Variants in HCLS1 observed in about 807,000 individuals in gnomAD.
HCLS1 encodes the protein hematopoietic lineage cell-specific protein.
HCLS1 carries 44 observed loss-of-function variants against 68.6 expected under a neutral mutation model. The observed-to-expected ratio is 0.64, with a 90% CI of 0.50 to 0.82. The LOEUF is 0.82. Among genes scored for constraint, HCLS1 ranks in the 40% least tolerant of loss-of-function variants. The pLI, the probability that HCLS1 is intolerant of heterozygous loss-of-function variation, is 0.00. For missense variants in HCLS1, 602 were observed against 612.1 expected, an observed-to-expected ratio of 0.98 and a Z score of 0.17; for synonymous variants, 217 against 225.8, an observed-to-expected ratio of 0.96 and a Z score of 0.35.
intron 6 of HCLS1, among the ~76,000 whole-genome samples, chr3:121,639,056 C>A (rs945579156): frequency 1.4e-5 from 2 of 145,580 alleles, no homozygotes; most frequent in Non-Finnish European, 1.5e-5. Context: ...CACACACACA[C>A]AAATAATGCA....
At position 121,644,763 on chromosome 3, in the gene HCLS1, G is replaced by A. The variant is rs1306669385; in HGVS notation, c.399+55C>T. 4 of 1,223,952 alleles carry A rather than the reference G, an allele frequency of 3.3e-6. No individual in the cohort carries two copies. The Admixed American group carries it at 6.7e-5, about 21-fold the overall frequency. 75.8% of individuals were successfully genotyped at this position (1,223,952 alleles called of 1,614,324 possible). A position where few individuals can be genotyped will look rare whatever the true frequency, so the allele number is the denominator to read the frequency against. On this transcript the variant is annotated intron_variant, in intron 5 of 13. Coordinates refer to ENST00000314583, the MANE Select transcript of HCLS1 (RefSeq NM_005335.6). ...TGTGCCTCCATCCAGGGGTGATCGTGGGCAATTTTCACAGGACTGGAGGTG... is the reference window on the plus strand; with the variant it reads ...TGTGCCTCCATCCAGGGGTGATCGTAGGCAATTTTCACAGGACTGGAGGTG...
At chr3:121,646,454 TTA>T (rs1280110989) in intron 4 of HCLS1, among the ~76,000 whole-genome samples, 1 of 103,032 alleles carries the variant, frequency 9.7e-6, no homozygotes, top group Non-Finnish European at 1.7e-5. Flanking sequence ...AGATTATATA[TTA>T]TATATGATAT....
chr3:121,635,610 G>A, intron 9 of HCLS1, 125 bp downstream of exon 9: 1 of 755,422 alleles, frequency 1.3e-6, no homozygotes, highest in South Asian at 1.6e-5. Context: ...GGGAATATGA[G>A]GATAGGGATC....
intron 4 of HCLS1, among the ~76,000 whole-genome samples, chr3:121,646,754 A>G (rs1937614613): frequency 1.5e-5 from 2 of 133,966 alleles, no homozygotes; most frequent in Non-Finnish European, 3.1e-5. Context: ...TAATAAATAT[A>G]TACTTATATA....
intron 10 of HCLS1, among the ~76,000 whole-genome samples, chr3:121,633,518 G>A (rs775978803): frequency 5.4e-5 from 8 of 148,454 alleles, no homozygotes; most frequent in East Asian, 4.1e-4. Flanking sequence ...CACCACGCTC[G>A]GCCCATCTTC....
Position 121,636,453 on chromosome 3 carries a change from T to C in HCLS1, c.602A>G (p.Gln201Arg), listed in dbSNP as rs1279949143. The change falls in exon 8 of 14, where the codon CAG (glutamine) becomes CGG (arginine). Residue 201 changes from glutamine to arginine, a missense_variant. Gln to Arg is a conservative substitution (Grantham distance 43, BLOSUM62 1). Coordinates refer to ENST00000314583, the MANE Select transcript of HCLS1 (RefSeq NM_005335.6). ...AKGFGGQYGI[Q>R]KDRVDKSAVG... ...CTTTACCTTATCCACTCGGTCCTTC[T>C]GGATTCCATACTGGCCACCAAAGCC... 9 of 1,613,772 alleles carry C rather than the reference T, an allele frequency of 5.6e-6. No homozygotes were observed. Among genetic ancestry groups the C allele is most frequent in the Non-Finnish European group, 7.6e-6 (9 of 1,179,630 alleles).
intron 3 of HCLS1, among the ~76,000 whole-genome samples, chr3:121,654,558 T>C (rs1417059754): frequency 6.6e-6 from 1 of 152,136 alleles, no homozygotes; most frequent in Non-Finnish European, 1.5e-5. Context: ...CTTTACAGAA[T>C]GGATAAGGGA....
intron 9 of HCLS1, among the ~76,000 whole-genome samples, chr3:121,635,464 G>A (rs750680290): frequency 1.3e-5 from 2 of 151,874 alleles, no homozygotes; most frequent in Admixed American, 6.6e-5. Flanking sequence ...TTTTTATAGA[G>A]ATGAGGTTTC....
intron 5 of HCLS1, chr3:121,643,291 C>T (rs1369314912): frequency 8.5e-6 from 2 of 235,040 alleles, no homozygotes; most frequent in African/African-American, 4.4e-5. Flanking sequence ...GGCATGCCTG[C>T]CTTATCTACC....
chr3:121,653,382 CATT>C (rs1007385656), intron 3 of HCLS1, among the ~76,000 whole-genome samples: 1 of 152,200 alleles, frequency 6.6e-6, no homozygotes, highest in African/African-American at 2.4e-5. Flanking sequence ...AATTGCTAAA[CATT>C]AATATATCCA....
intron 6 of HCLS1, among the ~76,000 whole-genome samples, chr3:121,638,231 T>A (rs551311411): frequency 4.6e-5 from 7 of 151,488 alleles, no homozygotes; most frequent in Middle Eastern, 3.4e-3. Context: ...CTTGCTAATT[T>A]AAAAAAAAAT....
intron 5 of HCLS1, chr3:121,644,273 T>TC: frequency 4.5e-6 from 1 of 222,568 alleles, no homozygotes; most frequent in Non-Finnish European, 9.2e-6. Context: ...GATGCTGTAA[T>TC]CATACGGTAC....
At position 121,659,529 on chromosome 3, in the gene HCLS1, A is replaced by G. The variant is rs550849153; in HGVS notation, c.1-1182T>C. ...TTCTCCAGTTTTCTATTTCCACTTGAAAGCTCCATCTTCTCCATTGAGCAA... is the reference window on the plus strand; with the variant it reads ...TTCTCCAGTTTTCTATTTCCACTTGGAAGCTCCATCTTCTCCATTGAGCAA... On this transcript the variant is annotated intron_variant, in intron 1 of 13. Coordinates refer to ENST00000314583, the MANE Select transcript of HCLS1 (RefSeq NM_005335.6). Among the ~76,000 whole-genome samples the G allele has an allele frequency of 2.6e-5, 4 of 152,258 alleles. No individual in the cohort carries two copies. In the South Asian group the frequency reaches 8.3e-4, roughly 32 times the overall value.
chr3:121,639,793 C>T (rs2049180880), intron 6 of HCLS1, among the ~76,000 whole-genome samples: 1 of 152,116 alleles, frequency 6.6e-6, no homozygotes, highest in South Asian at 2.1e-4. Flanking sequence ...AAATGTATAG[C>T]TTTTCAAGTG....
intron 9 of HCLS1, 93 bp from the exon 10 acceptor site, chr3:121,634,511 A>T: frequency 8.5e-7 from 1 of 1,172,508 alleles, no homozygotes; most frequent in Non-Finnish European, 1.3e-6. Flanking sequence ...TCAGTTAAAT[A>T]TCCGGGAGGA....
Position 121,635,709 on chromosome 3 carries a change from A to T in HCLS1, c.691+26T>A, listed in dbSNP as rs1345255287. The T allele has an allele frequency of 1.9e-6, 3 of 1,573,196 alleles. No individual in the cohort carries two copies. The African/African-American group carries it at 4.0e-5, about 21-fold the overall frequency. On this transcript the variant is annotated intron_variant, in intron 9 of 13. Coordinates refer to ENST00000314583, the MANE Select transcript of HCLS1 (RefSeq NM_005335.6). Reference sequence around the variant, plus strand: ...AATGAGGGAGAAGGAAGTGAGGTGCATGGAGAGTGAATCACTAAGCCTCAC... The same window carrying T: ...AATGAGGGAGAAGGAAGTGAGGTGCTTGGAGAGTGAATCACTAAGCCTCAC...
At chr3:121,641,556 A>G (rs2049198720) in intron 6 of HCLS1, among the ~76,000 whole-genome samples, 1 of 152,222 alleles carries the variant, frequency 6.6e-6, no homozygotes, top group Non-Finnish European at 1.5e-5. Context: ...ATAAGATGGA[A>G]TCAATAATAA....
intron 3 of HCLS1, among the ~76,000 whole-genome samples, chr3:121,649,522 A>G (rs1484309298): frequency 6.6e-6 from 1 of 152,234 alleles, no homozygotes; most frequent in Non-Finnish European, 1.5e-5. Flanking sequence ...GGCGTGAGCC[A>G]CCACGCCTGG....
intron 8 of HCLS1, 108 bp from the exon 9 acceptor site, chr3:121,635,912 T>C (rs564015097): frequency 9.9e-6 from 8 of 809,764 alleles, no homozygotes; most frequent in South Asian, 4.2e-5. Context: ...TCCCTAACCA[T>C]TGGATGCTCA....
Sources: gnomAD v4.1 joint callset for allele counts (sites outside exome capture counted in the v4.1 genomes callset) on GRCh38, gnomAD v4.1.1 for gene constraint, MANE v1.5 for transcripts, NCBI Gene and HGNC (gene_info 2026-07-23, HGNC 2026-07-21) for gene names.